The following CRB1 variants were observed in gnomAD, a reference collection of about 807,000 sequenced individuals.
The protein encoded by CRB1 is protein crumbs homolog 1.
CRB1 carries 83 observed loss-of-function variants against 120.0 expected under a neutral mutation model. The ratio of observed to expected loss-of-function variants is 0.69; its 90% CI spans 0.58 to 0.83. The LOEUF is 0.83. Ranked by LOEUF, CRB1 falls within the 40% of genes least tolerant of loss-of-function variation. The probability of loss-of-function intolerance (pLI) is 0.00; values close to 1 mark genes in which losing one functional copy is unlikely to be tolerated. For missense variants in CRB1, 1,699 were observed against 1,687.6 expected, an observed-to-expected ratio of 1.01 and a Z score of -0.12; for synonymous variants, 625 against 612.5, an observed-to-expected ratio of 1.02 and a Z score of -0.30.
At chr1:197,416,954 C>G (rs565763517) in intron 5 of CRB1, among the ~76,000 whole-genome samples, 1 of 152,190 alleles carries the variant, frequency 6.6e-6, no homozygotes, top group Admixed American at 6.5e-5. Context: ...ATGATCCACC[C>G]GCCTGGGCCT....
At chr1:197,365,741 C>T (rs908567005) in intron 5 of CRB1, among the ~76,000 whole-genome samples, 21 of 151,700 alleles carry the variant, frequency 1.4e-4, no homozygotes, top group African/African-American at 4.8e-4. Context: ...AAAGAGCCAA[C>T]CTCGGCCACC....
At chr1:197,215,011 C>T in the CRB1 span, among the ~76,000 whole-genome samples, 4 of 151,984 alleles carry the variant, frequency 2.6e-5, no homozygotes, top group Non-Finnish European at 4.4e-5. Context: ...GTATTTTATC[C>T]CTGGGATGCA....
intron 11 of CRB1, chr1:197,477,453 G>C: frequency 1.5e-6 from 1 of 664,254 alleles, no homozygotes; most frequent in Non-Finnish European, 2.8e-6. Context: ...CATATTTTCT[G>C]ACTGTAGACT....
intron 5 of CRB1, among the ~76,000 whole-genome samples, chr1:197,391,921 T>G (rs575342304): frequency 2.0e-5 from 3 of 152,132 alleles, no homozygotes; most frequent in African/African-American, 7.2e-5. Context: ...CTCGATGTGG[T>G]AGGAGATCTG....
intron 5 of CRB1, among the ~76,000 whole-genome samples, chr1:197,363,349 G>C (rs1159877562): frequency 6.6e-6 from 1 of 151,588 alleles, no homozygotes; most frequent in Non-Finnish European, 1.5e-5. Context: ...TTTTATTTAG[G>C]TTTACAGAGC....
intron 1 of CRB1, among the ~76,000 whole-genome samples, chr1:197,308,039 A>C (rs1657276282): frequency 6.6e-6 from 1 of 152,174 alleles, no homozygotes; most frequent in African/African-American, 2.4e-5. Flanking sequence ...GAATCAATCC[A>C]AGTACCATTA....
Position 197,283,195 on chromosome 1 carries a change from G to A in CRB1, c.70+14713G>A, listed in dbSNP as rs1348533951. ...AATTTGTGGTGTAAAAAATATGCTTGGAAAAAACAAAGAAAAATTCTGGAG... is the reference window on the plus strand; with the variant it reads ...AATTTGTGGTGTAAAAAATATGCTTAGAAAAAACAAAGAAAAATTCTGGAG... On this transcript the variant is annotated intron_variant, in intron 1 of 11. Coordinates refer to ENST00000367400, the MANE Select transcript of CRB1 (RefSeq NM_201253.3). 2.6e-5 allele frequency among the ~76,000 whole-genome samples: 4 copies of A among 151,414 alleles called. No individual in the cohort carries two copies. The East Asian group carries it at 7.8e-4, about 30-fold the overall frequency.
intron 5 of CRB1, among the ~76,000 whole-genome samples, chr1:197,382,422 A>G (rs1361960400): frequency 6.6e-6 from 1 of 152,204 alleles, no homozygotes; most frequent in Non-Finnish European, 1.5e-5. Flanking sequence ...AAATGAATTC[A>G]GAGAAAAACT....
At chr1:197,443,361 A>G (rs893735709) in intron 11 of CRB1, 8 of 151,980 alleles carry the variant, frequency 5.3e-5, no homozygotes, top group Non-Finnish European at 1.2e-4. Flanking sequence ...CTGTCTCTCT[A>G]ACAAAGTTAC....
At chr1:197,245,203 C>G in the CRB1 span, among the ~76,000 whole-genome samples, 1 of 151,972 alleles carries the variant, frequency 6.6e-6, no homozygotes, top group African/African-American at 2.4e-5. Context: ...TAATGCTATC[C>G]CTCCCCACTT....
chr1:197,264,541 A>G (rs1002031678), upstream of CRB1, among the ~76,000 whole-genome samples: 3 of 151,982 alleles, frequency 2.0e-5, no homozygotes, highest in Non-Finnish European at 2.9e-5. Context: ...TTCTTTGAGT[A>G]ATTTCCTTAT....
chr1:197,319,478 T>A (rs1658064154), intron 1 of CRB1, among the ~76,000 whole-genome samples: 1 of 149,996 alleles, frequency 6.7e-6, no homozygotes, highest in African/African-American at 2.4e-5. Flanking sequence ...GAGAATATTT[T>A]TTAAATATTC....
rs57455433 is a variant in CRB1, at chr1:197,311,698, AGTGTGTGTGTGTGT to A, written c.71-16689_71-16676del. Among the ~76,000 whole-genome samples the A allele has an allele frequency of 8.5e-3, 1,177 of 138,968 alleles. 10 individuals carry two copies. Among genetic ancestry groups the A allele is most frequent in the African/African-American group, 0.027 (1,031 of 37,926 alleles). 91.2% of individuals were successfully genotyped at this position (138,968 alleles called of 152,430 possible). A position where few individuals can be genotyped will look rare whatever the true frequency, so the allele number is the denominator to read the frequency against. On this transcript the variant is annotated intron_variant, in intron 1 of 11. Coordinates refer to ENST00000367400, the MANE Select transcript of CRB1 (RefSeq NM_201253.3). ...AACACATGCATCACCTCATATAGTT[AGTGTGTGTGTGTGT>A]GTGTGTGTGTGTGTGTGTGTGTGTG... is the stretch of plus-strand genomic sequence containing the variant.
intron 1 of CRB1, among the ~76,000 whole-genome samples, chr1:197,284,273 C>T (rs1571764219): frequency 6.6e-6 from 1 of 151,938 alleles, no homozygotes; most frequent in South Asian, 2.1e-4. Context: ...CAGCAGAGGT[C>T]TCCTGATTCT....
chr1:197,310,219 C>G (rs1657432847), intron 1 of CRB1, among the ~76,000 whole-genome samples: 1 of 152,024 alleles, frequency 6.6e-6, no homozygotes, highest in Non-Finnish European at 1.5e-5. Context: ...GGATCCTGCC[C>G]TTGAGACTCT....
the CRB1 span, among the ~76,000 whole-genome samples, chr1:197,235,430 C>A: frequency 3.9e-5 from 6 of 152,158 alleles, no homozygotes; most frequent in African/African-American, 1.4e-4. Flanking sequence ...TATGTTAGTG[C>A]ATTGTAGCTT....
At position 197,438,561 on chromosome 1, in the gene CRB1, C is replaced by A; in HGVS notation, c.3764C>A (p.Pro1255His). The change falls in exon 10 of 12, where the codon CCC becomes CAC. Residue 1255 changes from proline to histidine, a missense_variant. Physicochemically the swap from Pro to His is moderately conservative, Grantham distance 77 (BLOSUM62 -2). Coordinates refer to ENST00000367400, the MANE Select transcript of CRB1 (RefSeq NM_201253.3). ...TGKFCRQSRL[P>H]STVCGNEKTN... ...TATCTCTCTAGACAGAGCAGATTAC[C>A]CTCAACAGTCTGTGGGAATGAGAAG... is the stretch of plus-strand genomic sequence containing the variant. 1.2e-6 allele frequency: 2 copies of A among 1,612,434 alleles called. No individual in the cohort carries two copies. Among genetic ancestry groups the A allele is most frequent in the South Asian group, 2.2e-5 (2 of 91,052 alleles).
intron 11 of CRB1, among the ~76,000 whole-genome samples, chr1:197,471,357 G>T (rs1238491630): frequency 6.6e-6 from 1 of 152,186 alleles, no homozygotes; most frequent in Admixed American, 6.5e-5. Context: ...CTTGGAGGGG[G>T]CCGTAGCTCA....
intron 7 of CRB1, 198 bp from the exon 8 acceptor site, chr1:197,429,251 A>G: frequency 7.2e-7 from 1 of 1,386,534 alleles, no homozygotes; most frequent in Non-Finnish European, 9.7e-7. Context: ...CTCTGCCACC[A>G]CTCTGCCCTT....
Sources: allele counts gnomAD v4.1 joint callset (sites outside exome capture counted in the v4.1 genomes callset), GRCh38; gene constraint gnomAD v4.1.1; transcripts MANE v1.5; gene names NCBI Gene and HGNC (gene_info 2026-07-23, HGNC 2026-07-21).